Variants in RARB observed in about 807,000 individuals in gnomAD.
RARB encodes retinoic acid receptor beta.
In RARB, 17 loss-of-function variants were observed where a neutral mutation model predicts 51.9. The ratio of observed to expected loss-of-function variants is 0.33; its 90% confidence interval spans 0.22 to 0.49. The LOEUF (loss-of-function observed/expected upper bound fraction) is 0.49, where lower values mean the gene tolerates loss of function less well. RARB is among the 20% of genes least tolerant of loss of function. RARB has a pLI of 0.99. For synonymous variants in RARB, 215 were observed against 195.4 expected (o/e 1.10, Z -0.84); for missense variants, 369 against 550.8 (o/e 0.67, Z 3.30).
At chr3:25,561,192 C>T (rs1429932612) in intron 3 of RARB, among the ~76,000 whole-genome samples, 2 of 152,126 alleles carry the variant, frequency 1.3e-5, no homozygotes, top group African/African-American at 2.4e-5. Flanking sequence ...CTATGGGGAA[C>T]AGTGCCATAA....
chr3:25,387,837 A>G (rs1353155513), intron 5 of RARB, among the ~76,000 whole-genome samples: 1 of 152,162 alleles, frequency 6.6e-6, no homozygotes, highest in African/African-American at 2.4e-5. Flanking sequence ...AATGATGGCA[A>G]GGCTCAGAAA....
At chr3:24,912,945 A>C (rs1335069783) in intron 2 of RARB, among the ~76,000 whole-genome samples, 11 of 145,448 alleles carry the variant, frequency 7.6e-5, no homozygotes, top group Non-Finnish European at 1.5e-4. Context: ...ATGGTATCTA[A>C]AGTGGCAATA....
chr3:25,489,130 G>T (rs1324411386), intron 2 of RARB, among the ~76,000 whole-genome samples: 1 of 152,216 alleles, frequency 6.6e-6, no homozygotes. Context: ...ATAGCATGGT[G>T]CTTAGGTGGA....
chr3:25,564,302 T>C (rs529767944), intron 3 of RARB, among the ~76,000 whole-genome samples: 9 of 152,356 alleles, frequency 5.9e-5, no homozygotes, highest in African/African-American at 1.7e-4. Context: ...CAAATCTGAT[T>C]TGTAGCACTT....
intron 5 of RARB, among the ~76,000 whole-genome samples, chr3:25,194,155 T>G (rs1701173712): frequency 6.6e-6 from 1 of 151,694 alleles, no homozygotes; most frequent in Non-Finnish European, 1.5e-5. Context: ...AAGCCAGACA[T>G]AGAAAAATAC....
chr3:25,562,221 A>G (rs1419036724), intron 3 of RARB, among the ~76,000 whole-genome samples: 1 of 150,554 alleles, frequency 6.6e-6, no homozygotes, highest in East Asian at 2.0e-4. Flanking sequence ...TTGATTATGG[A>G]AGAGATACTA....
At chr3:25,556,212 T>C (rs1338823773) in intron 3 of RARB, among the ~76,000 whole-genome samples, 1 of 152,190 alleles carries the variant, frequency 6.6e-6, no homozygotes, top group Non-Finnish European at 1.5e-5. Context: ...GTGAACTAAA[T>C]AGGATTCAGC....
chr3:25,507,627 C>T (rs1222639803), intron 3 of RARB, among the ~76,000 whole-genome samples: 1 of 152,150 alleles, frequency 6.6e-6, no homozygotes, highest in Non-Finnish European at 1.5e-5. Flanking sequence ...GGGAGTTGTG[C>T]ATGACAGAAG....
chr3:25,107,807 T>C (rs1699534670), intron 3 of RARB, among the ~76,000 whole-genome samples: 1 of 152,144 alleles, frequency 6.6e-6, no homozygotes, highest in Non-Finnish European at 1.5e-5. Flanking sequence ...CTAACATAAA[T>C]TTTTTCTCAC....
chr3:25,336,821 A>T (rs761260766), intron 5 of RARB, among the ~76,000 whole-genome samples: 1 of 152,090 alleles, frequency 6.6e-6, no homozygotes, highest in African/African-American at 2.4e-5. Flanking sequence ...TATGTTCAGG[A>T]TGAGAGAGTG....
intron 5 of RARB, among the ~76,000 whole-genome samples, chr3:25,273,430 A>G (rs1703299797): frequency 2.0e-5 from 3 of 152,208 alleles, no homozygotes; most frequent in Non-Finnish European, 4.4e-5. Flanking sequence ...TAATCCGGTT[A>G]TGACGAGTTT....
intron 3 of RARB, among the ~76,000 whole-genome samples, chr3:25,566,032 G>A (rs1426952645): frequency 6.6e-6 from 1 of 152,102 alleles, no homozygotes; most frequent in Non-Finnish European, 1.5e-5. Context: ...ACTGCCCCAG[G>A]AGCCACTGAC....
At chr3:25,465,104 G>A (rs1695367931) in intron 2 of RARB, among the ~76,000 whole-genome samples, 1 of 152,104 alleles carries the variant, frequency 6.6e-6, no homozygotes, top group African/African-American at 2.4e-5. Context: ...CACTGGCTTT[G>A]TATATTTTTA....
At chr3:25,118,244 C>T (rs1699723809) in intron 3 of RARB, among the ~76,000 whole-genome samples, 1 of 152,050 alleles carries the variant, frequency 6.6e-6, no homozygotes, top group Non-Finnish European at 1.5e-5. Context: ...CAATATGGAC[C>T]AGTACATCTA....
In RARB at chr3:25,124,793, T is replaced by C. The variant is rs575465633; in HGVS notation, c.-327-7368T>C. The stretch of plus-strand genomic sequence containing the variant: ...TAGCACATTGGTTTTATTTGCCTCA[T>C]GTTTGTTGTCAGCCTAGCTGCAGCC... On this transcript the variant is annotated intron_variant, in intron 3 of 11. Transcript: ENST00000383772. Among the ~76,000 whole-genome samples the C allele has an allele frequency of 4.6e-5, 7 of 152,338 alleles. 1 individual carries two copies. The highest frequency in any genetic ancestry group is 3.9e-4 in the Admixed American group (6 of 15,292).
chr3:25,009,918 G>T (rs942702199), intron 2 of RARB, among the ~76,000 whole-genome samples: 1 of 152,080 alleles, frequency 6.6e-6, no homozygotes, highest in African/African-American at 2.4e-5. Context: ...CCTTTAAGCA[G>T]TTCAGTTCAG....
At chr3:25,023,193 G>A (rs780466847) in intron 2 of RARB, among the ~76,000 whole-genome samples, 4 of 152,118 alleles carry the variant, frequency 2.6e-5, no homozygotes, top group Non-Finnish European at 5.9e-5. Flanking sequence ...AGAGCCTGAT[G>A]TTACCATAAC....
intron 5 of RARB, among the ~76,000 whole-genome samples, chr3:25,182,379 C>T (rs1700879460): frequency 1.3e-5 from 2 of 152,112 alleles, no homozygotes; most frequent in South Asian, 2.1e-4. Context: ...CTGGGAACAG[C>T]GATATGCAGA....
intron 3 of RARB, among the ~76,000 whole-genome samples, chr3:25,510,107 G>A (rs1697814370): frequency 6.6e-6 from 1 of 152,170 alleles, no homozygotes; most frequent in Non-Finnish European, 1.5e-5. Context: ...ATCCCATGCA[G>A]CAGATAGGAC....
Sources: allele counts gnomAD v4.1 joint callset (sites outside exome capture counted in the v4.1 genomes callset), GRCh38; gene constraint gnomAD v4.1.1; transcripts MANE v1.5; gene names NCBI Gene and HGNC (gene_info 2026-07-23, HGNC 2026-07-21).